Variants in FRMD3 observed in about 807,000 individuals in gnomAD.
FRMD3 encodes FERM domain containing 3.
Under a neutral mutation model 70.2 loss-of-function variants are expected in FRMD3, and 33 were observed. That is an observed-to-expected ratio of 0.47 (90% CI 0.36 to 0.63). FRMD3 has a LOEUF of 0.63. FRMD3 is among the 20% of genes least tolerant of loss of function. The pLI is 0.00. For synonymous variants in FRMD3, 279 were observed against 255.9 expected (o/e 1.09, Z -0.86); for missense variants, 632 against 711.4 (o/e 0.89, Z 1.27).
intron 1 of FRMD3, among the ~76,000 whole-genome samples, chr9:83,389,976 C>T (rs1322531666): frequency 6.6e-6 from 1 of 152,124 alleles, no homozygotes; most frequent in African/African-American, 2.4e-5. Context: ...ATCCATATGC[C>T]ATTTAATTTG....
rs80000238 is a variant in FRMD3, at chr9:83,477,305, C to T, written c.147+60780G>A. ...TGCAAGAAATGATTCGACTGAGTAG[C>T]CTGGTTTCAACCACATTCAGAATTA... On this transcript the variant is annotated intron_variant, in intron 1 of 13. Coordinates refer to ENST00000304195, the MANE Select transcript of FRMD3 (RefSeq NM_174938.6). 5.5e-3 allele frequency among the ~76,000 whole-genome samples: 830 copies of T among 152,268 alleles called. 6 individuals carry two copies. The highest frequency in any genetic ancestry group is 0.019 in the African/African-American group (776 of 41,540).
At chr9:83,310,453 T>A in intron 9 of FRMD3, 32 bp downstream of exon 9, 1 of 1,557,414 alleles carries the variant, frequency 6.4e-7, no homozygotes, top group African/African-American at 1.4e-5. Context: ...GCACACACAA[T>A]AACAGGCAGT....
chr9:83,487,400 A>C lies in FRMD3; in HGVS notation c.147+50685T>G, dbSNP rs547508734. Among the ~76,000 whole-genome samples the C allele has an allele frequency of 5.9e-5, 9 of 152,348 alleles. No individual in the cohort carries two copies. The South Asian group carries it at 1.7e-3, about 28-fold the overall frequency. On this transcript the variant is annotated intron_variant, in intron 1 of 13. Coordinates refer to ENST00000304195, the MANE Select transcript of FRMD3 (RefSeq NM_174938.6). ...ATAAGAAAGAGCTTAAGACTTTCTT[A>C]TTACATTTCTCTCTACTTGTGGGAA...
chr9:83,246,209 C>T lies in FRMD3; in HGVS notation c.*1709G>A, dbSNP rs1832086350. The T allele has an allele frequency of 2.0e-6, 2 of 984,936 alleles. No individual in the cohort carries two copies. Among genetic ancestry groups the T allele is most frequent in the Admixed American group, 1.2e-4 (2 of 16,250 alleles). The allele number at this position is 984,936 out of a possible 1,614,324, so 61.0% of individuals were successfully genotyped here. A position where few individuals can be genotyped will look rare whatever the true frequency, so the allele number is the denominator to read the frequency against. On this transcript the variant is annotated 3_prime_UTR_variant, in exon 14 of 14. Transcript: ENST00000304195. ...GCTAGAGAGAGCGATTCCAAGTGGGCCCTGTAACTTTGTACATTAGGGCAG... is the reference window on the plus strand; with the variant it reads ...GCTAGAGAGAGCGATTCCAAGTGGGTCCTGTAACTTTGTACATTAGGGCAG...
intron 1 of FRMD3, among the ~76,000 whole-genome samples, chr9:83,434,341 GT>G (rs1827069390): frequency 6.6e-6 from 1 of 152,204 alleles, no homozygotes; most frequent in Non-Finnish European, 1.5e-5. Flanking sequence ...GGGGACTTCA[GT>G]TCACATCCTG....
At chr9:83,515,179 A>G (rs1419199129) in intron 1 of FRMD3, among the ~76,000 whole-genome samples, 9 of 152,230 alleles carry the variant, frequency 5.9e-5, no homozygotes, top group Non-Finnish European at 1.0e-4. Context: ...CTCTGAGCTA[A>G]AAGAGCATGT....
chr9:83,442,512 C>T (rs1332077815), intron 1 of FRMD3, among the ~76,000 whole-genome samples: 2 of 152,058 alleles, frequency 1.3e-5, no homozygotes, highest in East Asian at 3.9e-4. Context: ...CCCACCTCGG[C>T]CTCCCAAAGT....
At chr9:83,403,560 A>G (rs2131323486) in intron 1 of FRMD3, among the ~76,000 whole-genome samples, 1 of 152,272 alleles carries the variant, frequency 6.6e-6, no homozygotes, top group East Asian at 1.9e-4. Context: ...CCACGAGAAG[A>G]CGGAGTTAGC....
At chr9:83,455,335 G>A (rs968612651) in intron 1 of FRMD3, among the ~76,000 whole-genome samples, 1 of 152,114 alleles carries the variant, frequency 6.6e-6, no homozygotes, top group East Asian at 1.9e-4. Flanking sequence ...AACTTGAATT[G>A]TATCTCCCAG....
At chr9:83,486,877 T>A (rs1302293245) in intron 1 of FRMD3, among the ~76,000 whole-genome samples, 1 of 152,218 alleles carries the variant, frequency 6.6e-6, no homozygotes, top group Non-Finnish European at 1.5e-5. Context: ...TAGCAATGAC[T>A]GAATATTCAA....
intron 1 of FRMD3, among the ~76,000 whole-genome samples, chr9:83,492,867 C>T (rs1291309332): frequency 2.0e-5 from 3 of 152,166 alleles, no homozygotes; most frequent in Non-Finnish European, 2.9e-5. Flanking sequence ...TCGTCAAGCT[C>T]GTCCTCATAG....
Position 83,247,841 on chromosome 9 carries a change from C to T in FRMD3, c.*77G>A. Reference sequence around the variant, plus strand: ...AACACCTGTTGACAGCCCCGTGACCCTTCAGAACCAGGCATTTGCTGAAAA... The same window carrying T: ...AACACCTGTTGACAGCCCCGTGACCTTTCAGAACCAGGCATTTGCTGAAAA... On this transcript the variant is annotated 3_prime_UTR_variant, in exon 14 of 14. Coordinates refer to ENST00000304195, the MANE Select transcript of FRMD3 (RefSeq NM_174938.6). 3 of 1,560,712 alleles carry T rather than the reference C, an allele frequency of 1.9e-6. No individual in the cohort carries two copies. Among genetic ancestry groups the T allele is most frequent in the Non-Finnish European group, 2.6e-6 (3 of 1,153,316 alleles).
chr9:83,568,795 A>C, the FRMD3 span, among the ~76,000 whole-genome samples: 1 of 152,194 alleles, frequency 6.6e-6, no homozygotes, highest in Admixed American at 6.5e-5. Flanking sequence ...TCTCAGTGTA[A>C]AAAATGATAG....
At chr9:83,526,024 T>G (rs144719943) in intron 1 of FRMD3, among the ~76,000 whole-genome samples, 4 of 152,360 alleles carry the variant, frequency 2.6e-5, no homozygotes, top group East Asian at 3.9e-4. Flanking sequence ...CTGGTAACTT[T>G]CATTCCTTAT....
chr9:83,472,073 G>A (rs549642899), intron 1 of FRMD3, among the ~76,000 whole-genome samples: 5 of 151,330 alleles, frequency 3.3e-5, no homozygotes, highest in Admixed American at 1.3e-4. Context: ...GAAGGGACTA[G>A]GGTGCTACCA....
At chr9:83,501,360 A>G (rs906644482) in intron 1 of FRMD3, among the ~76,000 whole-genome samples, 1 of 152,210 alleles carries the variant, frequency 6.6e-6, no homozygotes, top group Non-Finnish European at 1.5e-5. Flanking sequence ...AGGAGGAAAG[A>G]TAAATGTCAA....
intron 1 of FRMD3, among the ~76,000 whole-genome samples, chr9:83,434,325 A>G (rs191372343): frequency 2.0e-5 from 3 of 152,312 alleles, no homozygotes; most frequent in Admixed American, 1.3e-4. Context: ...GTGGAGTTAG[A>G]CACAGGGGGA....
At chr9:83,476,417 CCT>C (rs1828400309) in intron 1 of FRMD3, among the ~76,000 whole-genome samples, 2 of 150,804 alleles carry the variant, frequency 1.3e-5, no homozygotes, top group African/African-American at 4.9e-5. Context: ...TTGAATTTTG[CCT>C]CACTGGCTTA....
In FRMD3 at chr9:83,537,804, G is replaced by A. The variant is rs1031974462; in HGVS notation, c.147+281C>T. On this transcript the variant is annotated intron_variant, in intron 1 of 13. Transcript: ENST00000304195. This position sits in a 1 kb window ranked among gnomAD's most constrained non-coding sequence, Gnocchi z 4.1. ...GAGTCCCTCCGGAGGCAGCTGCCCC[G>A]CGCCCCTAGCCCGGGCGCAGTGAGA... Among the ~76,000 whole-genome samples, 1 of 152,138 alleles carries A rather than the reference G, an allele frequency of 6.6e-6. No homozygotes were observed. Among genetic ancestry groups the A allele is most frequent in the African/African-American group, 2.4e-5 (1 of 41,452 alleles).
Sources: allele counts gnomAD v4.1 joint callset (sites outside exome capture counted in the v4.1 genomes callset), GRCh38; gene constraint gnomAD v4.1.1; non-coding constraint Gnocchi (gnomAD v3.1); transcripts MANE v1.5; gene names NCBI Gene and HGNC (gene_info 2026-07-23, HGNC 2026-07-21).